HEG1: variants seen among roughly 807,000 people sequenced by gnomAD.
HEG1 encodes the protein protein HEG homolog 1.
HEG1 carries 56 observed loss-of-function variants against 125.6 expected under a neutral mutation model. That is an observed-to-expected ratio of 0.45 (90% CI 0.36 to 0.56). The LOEUF (loss-of-function observed/expected upper bound fraction) is 0.56. Ranked by LOEUF, HEG1 falls within the 20% of genes least tolerant of loss-of-function variation. The pLI is 0.00. For missense variants in HEG1, 1,523 were observed against 1,670.0 expected (o/e 0.91, Z 1.53); for synonymous variants, 644 against 668.5 (o/e 0.96, Z 0.57).
chr3:124,973,647 T>G, intron 16 of HEG1, 84 bp downstream of exon 16: 1 of 1,102,890 alleles, frequency 9.1e-7, no homozygotes, highest in Non-Finnish European at 1.3e-6. Context: ...CTAACTGTAA[T>G]GCTTTTACTA....
intron 11 of HEG1, among the ~76,000 whole-genome samples, chr3:125,001,394 T>A (rs1309113866): frequency 6.6e-6 from 1 of 152,200 alleles, no homozygotes; most frequent in African/African-American, 2.4e-5. Context: ...TAAGGGTACC[T>A]CAGCCTCCCA....
intron 15 of HEG1, among the ~76,000 whole-genome samples, chr3:124,975,535 G>A (rs1936519254): frequency 6.6e-6 from 1 of 152,118 alleles, no homozygotes. Flanking sequence ...TAGCTTTACT[G>A]AGAAACAGTT....
At chr3:124,976,788 CT>C (rs1432293503) in intron 15 of HEG1, among the ~76,000 whole-genome samples, 1 of 152,146 alleles carries the variant, frequency 6.6e-6, no homozygotes. Flanking sequence ...TACCTCTCCC[CT>C]AGCCCCCCAC....
In HEG1 at chr3:124,967,350, T is replaced by G. The variant is rs1936333801; in HGVS notation, c.*3302A>C. The G allele has an allele frequency of 6.6e-6, 1 of 152,088 alleles. No homozygotes were observed. The highest frequency in any genetic ancestry group is 1.5e-5 in the Non-Finnish European group (1 of 68,030). The allele number at this position is 152,088 out of a possible 1,614,324, so 9.4% of individuals were successfully genotyped here. On this transcript the variant is annotated 3_prime_UTR_variant, in exon 17 of 17. Coordinates refer to ENST00000311127, the MANE Select transcript of HEG1 (RefSeq NM_020733.2). ...TTCCTATACCAAAGCCACGTGCCAG[T>G]GTGCTTCTTGCTGAGCACAAGCCAG...
In HEG1 at chr3:124,969,385, A is replaced by C. The variant is rs1936384100; in HGVS notation, c.*1267T>G. ...AACCGGAAGTCTTCAGTTCTCCCACACTGACTGGAAGTATAACCACGTTTC... is the reference window on the plus strand; with the variant it reads ...AACCGGAAGTCTTCAGTTCTCCCACCCTGACTGGAAGTATAACCACGTTTC... On this transcript the variant is annotated 3_prime_UTR_variant, in exon 17 of 17. Transcript: ENST00000311127. 1 of 152,210 alleles carries C rather than the reference A, an allele frequency of 6.6e-6. No homozygotes were observed. Among genetic ancestry groups the C allele is most frequent in the Non-Finnish European group, 1.5e-5 (1 of 68,046 alleles). The allele number at this position is 152,210 out of a possible 1,614,324, so 9.4% of individuals were successfully genotyped here. A position where few individuals can be genotyped will look rare whatever the true frequency, so the allele number is the denominator to read the frequency against.
In HEG1 at chr3:125,021,060, T is replaced by C. The variant is rs1937328823; in HGVS notation, c.984A>G (p.Thr328=). 1.2e-6 allele frequency: 2 copies of C among 1,607,322 alleles called. No homozygotes were observed. The highest frequency in any genetic ancestry group is 2.7e-5 in the African/African-American group (2 of 74,964). Residue 328 remains threonine, a synonymous_variant, in exon 4 of 17, where the codon ACA becomes ACG. Transcript: ENST00000311127. The part of the protein sequence containing the change: ...LQSSSVSQTK[T]MHVATVFTDG... ...CAGTGAACACGGTGGCAACATGCAT[T>C]GTCTTTGTTTGACTGACTGAGGAGC...
chr3:125,049,392 C>G (rs1444122995), intron 1 of HEG1, among the ~76,000 whole-genome samples: 1 of 152,224 alleles, frequency 6.6e-6, no homozygotes, highest in African/African-American at 2.4e-5. Context: ...GCATCCCTTC[C>G]TCCCCACCAT....
chr3:125,043,843 G>C (rs972440438), intron 1 of HEG1, among the ~76,000 whole-genome samples: 1 of 152,104 alleles, frequency 6.6e-6, no homozygotes, highest in Non-Finnish European at 1.5e-5. Flanking sequence ...AAAAAGGCGA[G>C]GAAAAACATC....
chr3:125,009,545 A>C, intron 8 of HEG1, 160 bp downstream of exon 8: 1 of 604,672 alleles, frequency 1.7e-6, no homozygotes, highest in Non-Finnish European at 2.7e-6. Flanking sequence ...TCTATCTCCA[A>C]GTATTAGAAT....
chr3:124,979,519 T>C (rs559027685), intron 14 of HEG1, among the ~76,000 whole-genome samples: 2 of 152,360 alleles, frequency 1.3e-5, no homozygotes, highest in African/African-American at 2.4e-5. Context: ...TTTATATCTA[T>C]GTATTTCTGG....
intron 1 of HEG1, among the ~76,000 whole-genome samples, chr3:125,046,065 G>A (rs886122341): frequency 6.6e-6 from 1 of 152,002 alleles, no homozygotes; most frequent in African/African-American, 2.4e-5. Flanking sequence ...TAAGGCCTAG[G>A]GACATTAGGC....
In HEG1 at chr3:125,013,733, C is replaced by T. The variant is rs761994449; in HGVS notation, c.1846G>A (p.Gly616Arg). 2.6e-5 allele frequency: 42 copies of T among 1,613,816 alleles called. No individual in the cohort carries two copies. The highest frequency in any genetic ancestry group is 5.0e-5 in the Admixed American group (3 of 60,000). ...TCAGTAGAAGGCTGAGCATATTCCC[C>T]GTCATAGGATGAGATGTTACTTCTC... Reference protein sequence around the residue: ...TERSNISSYDGEYAQPSTESP... With the variant: ...TERSNISSYDREYAQPSTESP... Residue 616 changes from glycine (G) to arginine (R), a missense_variant, in exon 6 of 17, where the codon GGG becomes AGG. Gly to Arg is a moderately radical substitution (Grantham distance 125). Coordinates refer to ENST00000311127, the MANE Select transcript of HEG1 (RefSeq NM_020733.2).
chr3:124,973,973 A>G (rs1936491484), intron 15 of HEG1, 68 bp from the exon 16 acceptor site: 1 of 1,047,442 alleles, frequency 9.5e-7, no homozygotes, highest in East Asian at 2.4e-5. Flanking sequence ...AGCACCAACT[A>G]TGATTTTATA....
intron 12 of HEG1, among the ~76,000 whole-genome samples, chr3:124,994,750 C>T (rs1402806028): frequency 6.6e-6 from 1 of 152,178 alleles, no homozygotes; most frequent in Non-Finnish European, 1.5e-5. Flanking sequence ...ATGATCCTCC[C>T]GCCTCAGCCT....
rs530354118 is a variant in HEG1 at position 125,005,237 on chromosome 3, G to A, written c.3297+28C>T. The A allele has an allele frequency of 1.3e-5, 17 of 1,336,016 alleles. No homozygotes were observed. In the African/African-American group the frequency reaches 1.9e-4, roughly 15 times the overall value. 82.8% of individuals were successfully genotyped at this position (1,336,016 alleles called of 1,614,324 possible). A position where few individuals can be genotyped will look rare whatever the true frequency, so the allele number is the denominator to read the frequency against. On this transcript the variant is annotated intron_variant, in intron 9 of 16. Transcript: ENST00000311127. ...ATCTGTTCTAGGAAACAAAAGACGA[G>A]TAGAAAGATGCCATTCAGGACACTT...
At chr3:124,976,736 T>C (rs1936548466) in intron 15 of HEG1, among the ~76,000 whole-genome samples, 1 of 152,130 alleles carries the variant, frequency 6.6e-6, no homozygotes, top group Non-Finnish European at 1.5e-5. Flanking sequence ...ATGAAAGGAC[T>C]AATACCTTTC....
At chr3:125,016,460 A>C (rs1937248714) in intron 5 of HEG1, among the ~76,000 whole-genome samples, 1 of 152,242 alleles carries the variant, frequency 6.6e-6, no homozygotes, top group Non-Finnish European at 1.5e-5. Flanking sequence ...AGAAGCGGGT[A>C]CTGAAGAGAT....
chr3:125,009,152 C>T (rs572267617), intron 8 of HEG1, among the ~76,000 whole-genome samples: 1 of 152,344 alleles, frequency 6.6e-6, no homozygotes, highest in South Asian at 2.1e-4. Flanking sequence ...TTGTGTGATA[C>T]AGTTAGGACA....
In HEG1 at chr3:125,028,509, C is replaced by T. The variant is rs1464071399; in HGVS notation, c.610+686G>A. On this transcript the variant is annotated intron_variant, in intron 2 of 16. Coordinates refer to ENST00000311127, the MANE Select transcript of HEG1 (RefSeq NM_020733.2). ...CTCGTTGTCCAGGCATTCCACACCT[C>T]AGCACCCCCACCACCTTGCTCAGAT... 2.0e-5 allele frequency among the ~76,000 whole-genome samples: 3 copies of T among 152,328 alleles called. No homozygotes were observed. In the East Asian group the frequency reaches 5.8e-4, roughly 29 times the overall value.
Sources: gnomAD v4.1 joint callset for allele counts (sites outside exome capture counted in the v4.1 genomes callset) on GRCh38, gnomAD v4.1.1 for gene constraint, MANE v1.5 for transcripts, NCBI Gene and HGNC (gene_info 2026-07-23, HGNC 2026-07-21) for gene names.